The following GIPC2 variants were observed in gnomAD, a reference collection of about 807,000 sequenced individuals.
GIPC2 encodes GIPC PDZ domain containing family member 2.
GIPC2 carries 30 observed loss-of-function variants against 30.6 expected under a neutral mutation model. That is an observed-to-expected ratio of 0.98 (90% CI 0.73 to 1.33). The LOEUF (loss-of-function observed/expected upper bound fraction) is 1.33, where lower values mean the gene tolerates loss of function less well. GIPC2 is among the 40% of genes most tolerant of loss of function. GIPC2 has a pLI of 0.00. For missense variants in GIPC2, 414 were observed against 390.3 expected (o/e 1.06, Z -0.51); for synonymous variants, 167 against 150.0 (o/e 1.11, Z -0.83).
At chr1:78,119,114 A>C (rs1203688521) in intron 3 of GIPC2, among the ~76,000 whole-genome samples, 1 of 151,868 alleles carries the variant, frequency 6.6e-6, no homozygotes, top group Non-Finnish European at 1.5e-5. Flanking sequence ...TGTAGAGCCT[A>C]CTGTTTTTTC....
chr1:78,061,880 G>A (rs1189419378), intron 1 of GIPC2, among the ~76,000 whole-genome samples: 1 of 152,194 alleles, frequency 6.6e-6, no homozygotes, highest in Non-Finnish European at 1.5e-5. Flanking sequence ...GCCTCCCAAA[G>A]TGCTGAGATT....
intron 1 of GIPC2, among the ~76,000 whole-genome samples, chr1:78,062,218 G>T (rs117895487): frequency 6.6e-6 from 1 of 152,310 alleles, no homozygotes; most frequent in East Asian, 1.9e-4. Context: ...TTTCATTAAT[G>T]TAGTAGTGGT....
chr1:78,126,796 A>AAG (rs1662791336), intron 5 of GIPC2, among the ~76,000 whole-genome samples: 1 of 152,186 alleles, frequency 6.6e-6, no homozygotes, highest in Non-Finnish European at 1.5e-5. Context: ...CACAATGAGA[A>AAG]AGAGGGAGGA....
chr1:78,110,066 T>C (rs1269509005), intron 3 of GIPC2, among the ~76,000 whole-genome samples: 1 of 151,974 alleles, frequency 6.6e-6, no homozygotes, highest in African/African-American at 2.4e-5. Context: ...GGGATAGCAT[T>C]AGGAGATATA....
chr1:78,063,918 A>G (rs1276870095), intron 1 of GIPC2, among the ~76,000 whole-genome samples: 6 of 150,750 alleles, frequency 4.0e-5, no homozygotes, highest in African/African-American at 1.5e-4. Context: ...AAAAAAAAAA[A>G]GATGGGATTC....
chr1:78,118,337 CAAAAAAAAAAA>C (rs55905283), intron 3 of GIPC2, among the ~76,000 whole-genome samples: 1 of 12,178 alleles, frequency 8.2e-5, no homozygotes, highest in Admixed American at 1.3e-3. Flanking sequence ...TGGGGCCTAC[CAAAAAAAAAAA>C]AAAAAAAAAA....
At chr1:78,073,669 A>G (rs1661663374) in intron 1 of GIPC2, among the ~76,000 whole-genome samples, 2 of 152,186 alleles carry the variant, frequency 1.3e-5, no homozygotes, top group South Asian at 2.1e-4. Flanking sequence ...CATTCAACAA[A>G]AGAAAGTTGG....
chr1:78,080,170 C>T (rs1661797551), intron 1 of GIPC2, among the ~76,000 whole-genome samples: 1 of 151,958 alleles, frequency 6.6e-6, no homozygotes, highest in Non-Finnish European at 1.5e-5. Context: ...CAAATATAGG[C>T]TTGCCTATAT....
intron 1 of GIPC2, among the ~76,000 whole-genome samples, chr1:78,057,515 G>A (rs1285241448): frequency 1.3e-5 from 2 of 152,176 alleles, no homozygotes; most frequent in African/African-American, 2.4e-5. Context: ...TTTTTCAAAA[G>A]AAATCACTGT....
Position 78,080,739 on chromosome 1 carries a change from G to A in GIPC2, c.305G>A (p.Gly102Glu), listed in dbSNP as rs867740917. 1 of 1,609,018 alleles carries A rather than the reference G, an allele frequency of 6.2e-7. No homozygotes were observed. The highest frequency in any genetic ancestry group is 1.7e-5 in the Admixed American group (1 of 59,994). ...GAAAGACTCTTAGGAGGACAACTAGGACTAGAAGATTTCATATTTGCCCAT... is the reference window on the plus strand; with the variant it reads ...GAAAGACTCTTAGGAGGACAACTAGAACTAGAAGATTTCATATTTGCCCAT... ...DMERLLGGQL[G>E]LEDFIFAHVK... is the part of the protein sequence containing the mutation. Residue 102 changes from glycine (G) to glutamate (E), a missense_variant, in exon 2 of 6, where the codon GGA becomes GAA. Transcript: ENST00000370759.
intron 5 of GIPC2, among the ~76,000 whole-genome samples, chr1:78,128,453 A>G (rs1476980457): frequency 6.6e-6 from 1 of 152,250 alleles, no homozygotes; most frequent in Non-Finnish European, 1.5e-5. Context: ...ACAGACATAC[A>G]CATAAACATG....
At chr1:78,105,893 A>G (rs1323729641) in intron 3 of GIPC2, among the ~76,000 whole-genome samples, 1 of 152,140 alleles carries the variant, frequency 6.6e-6, no homozygotes, top group Non-Finnish European at 1.5e-5. Context: ...TAGTCAGAGT[A>G]TGTTTTCAGA....
chr1:78,081,746 A>G (rs2100348399), intron 2 of GIPC2, among the ~76,000 whole-genome samples: 1 of 152,338 alleles, frequency 6.6e-6, no homozygotes, highest in East Asian at 1.9e-4. Context: ...AATAGTTATA[A>G]TAGTAACAGA....
upstream of GIPC2, chr1:78,045,643 A>G: frequency 1.0e-6 from 1 of 985,442 alleles, no homozygotes; most frequent in Non-Finnish European, 1.2e-6. Context: ...GTTGACTTCT[A>G]CTTAAATCCC....
At chr1:78,099,683 C>G (rs1440284707) in intron 3 of GIPC2, among the ~76,000 whole-genome samples, 1 of 151,964 alleles carries the variant, frequency 6.6e-6, no homozygotes, top group African/African-American at 2.4e-5. Flanking sequence ...CGTGATCTGC[C>G]CACCTCGGCC....
intron 3 of GIPC2, among the ~76,000 whole-genome samples, chr1:78,114,651 C>T (rs918247702): frequency 6.6e-6 from 1 of 151,768 alleles, no homozygotes; most frequent in Non-Finnish European, 1.5e-5. Context: ...AAAAAAAAAT[C>T]TGGGATGTAT....
chr1:78,121,277 G>T (rs948506189), intron 4 of GIPC2, among the ~76,000 whole-genome samples: 2 of 152,180 alleles, frequency 1.3e-5, no homozygotes, highest in East Asian at 1.9e-4. Flanking sequence ...CCCTCCCGTG[G>T]GCAGATGGGA....
At chr1:78,045,034 G>A (rs1192180571), upstream of GIPC2, 5 of 957,478 alleles carry the variant, frequency 5.2e-6, no homozygotes, top group Admixed American at 6.2e-5. Flanking sequence ...GGGGAGAGGA[G>A]AGGTAAGGAA....
chr1:78,078,045 G>T (rs913545524), intron 1 of GIPC2, among the ~76,000 whole-genome samples: 1 of 151,064 alleles, frequency 6.6e-6, no homozygotes, highest in Non-Finnish European at 1.5e-5. Flanking sequence ...AAAATTAGCC[G>T]GGCGTAGTGG....
Sources: gnomAD v4.1 joint callset for allele counts (sites outside exome capture counted in the v4.1 genomes callset) on GRCh38, gnomAD v4.1.1 for gene constraint, MANE v1.5 for transcripts, NCBI Gene and HGNC (gene_info 2026-07-23, HGNC 2026-07-21) for gene names.